Variants in TENM1 observed in about 807,000 individuals in gnomAD.
TENM1 encodes teneurin-1.
TENM1 carries 35 observed loss-of-function variants against 174.8 expected under a neutral mutation model. The observed-to-expected ratio is 0.20, with a 90% confidence interval of 0.15 to 0.27. The LOEUF (loss-of-function observed/expected upper bound fraction) is 0.27, where lower values mean the gene tolerates loss of function less well. TENM1 is among the 10% of genes least tolerant of loss of function. The pLI is 1.00. For synonymous variants in TENM1, 781 were observed against 798.7 expected (o/e 0.98, Z 0.37); for missense variants, 1,633 against 2,130.1 (o/e 0.77, Z 4.59).
the TENM1 span, among the ~76,000 whole-genome samples, chrX:125,198,411 T>C: frequency 8.9e-6 from 1 of 111,902 alleles, no homozygotes; most frequent in South Asian, 3.7e-4. Context: ...TTCAATGTAA[T>C]AGCTATTATG....
At chrX:125,098,479 A>C in the TENM1 span, among the ~76,000 whole-genome samples, 1 of 112,150 alleles carries the variant, frequency 8.9e-6, no homozygotes, top group East Asian at 2.8e-4. Context: ...GTTGGCATTT[A>C]TATTGGAAGA....
At chrX:124,704,773 C>T (rs1443249708) in intron 5 of TENM1, among the ~76,000 whole-genome samples, 1 of 109,551 alleles carries the variant, frequency 9.1e-6, no homozygotes, top group Non-Finnish European at 1.9e-5. Context: ...ACAGTAATTG[C>T]GATCAATAAG....
intron 4 of TENM1, among the ~76,000 whole-genome samples, chrX:124,710,055 C>T (rs2053007239): frequency 9.0e-6 from 1 of 111,515 alleles, no homozygotes; most frequent in Admixed American, 9.5e-5. Flanking sequence ...TGTGCTGTTA[C>T]TTTAAGGCTT....
At position 124,590,105 on chromosome X, in the gene TENM1, C is replaced by T. The variant is rs944707574; in HGVS notation, c.2078-24545G>A. Among the ~76,000 whole-genome samples the T allele has an allele frequency of 5.4e-5, 6 of 111,783 alleles. No homozygotes were observed. The Admixed American group carries it at 5.7e-4, about 11-fold the overall frequency. On this transcript the variant is annotated intron_variant, in intron 11 of 31. Coordinates refer to ENST00000422452, the Ensembl canonical transcript of TENM1. ...TGCATCTTAGAGATTTGGGTATGTC[C>T]TGTCTCTGCTTTCATTTATTTCAAA...
At chrX:124,402,873 A>T (rs751424692) in intron 27 of TENM1, among the ~76,000 whole-genome samples, 20 of 111,345 alleles carry the variant, frequency 1.8e-4, no homozygotes, top group Non-Finnish European at 3.4e-4. Context: ...TGAAAAAAAA[A>T]AATCAAGGCA....
At chrX:124,708,743 A>G (rs373521866) in intron 4 of TENM1, among the ~76,000 whole-genome samples, 33 of 111,621 alleles carry the variant, frequency 3.0e-4, no homozygotes, top group African/African-American at 1.0e-3. Context: ...AAAAGTACAT[A>G]TGTTCAAGGA....
At chrX:124,944,514 AAAC>A (rs1455120648) in intron 1 of TENM1, among the ~76,000 whole-genome samples, 1 of 111,506 alleles carries the variant, frequency 9.0e-6, no homozygotes, top group African/African-American at 3.3e-5. Flanking sequence ...GTTTGAGGAC[AAAC>A]AACAACAACA....
At chrX:125,049,009 T>A in the TENM1 span, among the ~76,000 whole-genome samples, 2 of 112,011 alleles carry the variant, frequency 1.8e-5, no homozygotes, top group Admixed American at 9.5e-5. Context: ...TGATCATGCA[T>A]ACAAAGCTGC....
chrX:124,871,500 G>A (rs1015316806), intron 3 of TENM1, among the ~76,000 whole-genome samples: 6 of 112,038 alleles, frequency 5.4e-5, no homozygotes, highest in Admixed American at 1.9e-4. Flanking sequence ...AAGTCTGCAA[G>A]TTTTGGGTAG....
chrX:125,195,649 G>A, the TENM1 span, among the ~76,000 whole-genome samples: 10 of 111,383 alleles, frequency 9.0e-5, no homozygotes, highest in Non-Finnish European at 1.9e-4. Flanking sequence ...AGACTAAACA[G>A]GAAAGATATA....
chrX:125,130,088 T>A, the TENM1 span, among the ~76,000 whole-genome samples: 2 of 111,413 alleles, frequency 1.8e-5, no homozygotes, highest in Non-Finnish European at 3.8e-5. Context: ...ATCTCAATAA[T>A]CCTATGAATA....
At chrX:124,677,555 T>C (rs1218278592) in intron 5 of TENM1, among the ~76,000 whole-genome samples, 1 of 111,512 alleles carries the variant, frequency 9.0e-6, no homozygotes, top group African/African-American at 3.2e-5. Flanking sequence ...AATAATCACA[T>C]GTGGGGCATA....
intron 11 of TENM1, among the ~76,000 whole-genome samples, chrX:124,618,233 T>TTATCATAC (rs1301910415): frequency 9.0e-6 from 1 of 111,533 alleles, no homozygotes; most frequent in African/African-American, 3.3e-5. Context: ...TCCTTACAGA[T>TTATCATAC]TATCATACTC....
chrX:124,546,631 A>C (rs2048435826), intron 15 of TENM1, among the ~76,000 whole-genome samples: 1 of 112,149 alleles, frequency 8.9e-6, no homozygotes, highest in South Asian at 3.7e-4. Context: ...TTTTGTTATT[A>C]AAAGCCATAT....
intron 1 of TENM1, among the ~76,000 whole-genome samples, chrX:124,937,375 T>C (rs1441662767): frequency 9.0e-6 from 1 of 111,456 alleles, no homozygotes; most frequent in African/African-American, 3.3e-5. Context: ...GAGGATAGGG[T>C]CCATAAATTG....
the TENM1 span, among the ~76,000 whole-genome samples, chrX:124,991,829 T>C: frequency 1.8e-5 from 2 of 111,411 alleles, no homozygotes; most frequent in East Asian, 5.7e-4. Flanking sequence ...TTGTCTGACA[T>C]CAAATCAGCT....
At chrX:125,125,904 CA>C in the TENM1 span, among the ~76,000 whole-genome samples, 1 of 112,152 alleles carries the variant, frequency 8.9e-6, no homozygotes, top group East Asian at 2.8e-4. Flanking sequence ...TAAAGCATAT[CA>C]AAAGATGTCA....
chrX:124,520,362 A>G (rs2047813829), intron 18 of TENM1, among the ~76,000 whole-genome samples, 155 bp downstream of exon 21: 1 of 112,240 alleles, frequency 8.9e-6, no homozygotes, highest in Admixed American at 9.4e-5. Flanking sequence ...AGGGAACTCT[A>G]AACTGGCCTC....
chrX:124,683,090 T>C (rs1415351541), intron 5 of TENM1, among the ~76,000 whole-genome samples: 2 of 112,040 alleles, frequency 1.8e-5, no homozygotes, highest in East Asian at 5.6e-4. Flanking sequence ...GGTAATTCTC[T>C]GTACTATCTT....
Sources: allele counts gnomAD v4.1 joint callset (sites outside exome capture counted in the v4.1 genomes callset), GRCh38; gene constraint gnomAD v4.1.1; transcripts MANE v1.5; gene names NCBI Gene and HGNC (gene_info 2026-07-23, HGNC 2026-07-21).